The following ASB10 variants were observed in gnomAD, a reference collection of about 807,000 sequenced individuals.
ASB10 encodes the protein ankyrin repeat and SOCS box protein 10.
Under a neutral mutation model 35.4 loss-of-function variants are expected in ASB10, and 44 were observed. The ratio of observed to expected loss-of-function variants is 1.24; its 90% CI spans 0.98 to 1.60. The LOEUF (loss-of-function observed/expected upper bound fraction) is 1.60, where lower values mean the gene tolerates loss of function less well. Among genes scored for constraint, ASB10 ranks in the 40% most tolerant of loss-of-function variants. The pLI, the probability that ASB10 is intolerant of heterozygous loss-of-function variation, is 0.00. For synonymous variants in ASB10, 294 were observed against 280.4 expected, an observed-to-expected ratio of 1.05 and a Z score of -0.49; for missense variants, 647 against 634.3, an observed-to-expected ratio of 1.02 and a Z score of -0.22.
At chr7:151,177,213 C>T (rs535545086) in intron 3 of ASB10, among the ~76,000 whole-genome samples, 155 of 152,382 alleles carry the variant, frequency 1.0e-3, no homozygotes, top group South Asian at 2.7e-3. Context: ...AGCAGCTAAC[C>T]TTTCTATTGT....
At chr7:151,179,427 A>G (rs1487147659) in intron 3 of ASB10, among the ~76,000 whole-genome samples, 1 of 152,204 alleles carries the variant, frequency 6.6e-6, no homozygotes, top group African/African-American at 2.4e-5. Context: ...GCTTGCTCCG[A>G]CTGTTCCCCA....
At chr7:151,178,804 C>A (rs909908353) in intron 3 of ASB10, among the ~76,000 whole-genome samples, 1 of 152,142 alleles carries the variant, frequency 6.6e-6, no homozygotes, top group Admixed American at 6.5e-5. Flanking sequence ...CAGTCTGTCC[C>A]GGGAGGCCTC....
intron 2 of ASB10, among the ~76,000 whole-genome samples, chr7:151,184,817 T>C (rs941371670): frequency 1.1e-4 from 16 of 151,938 alleles, no homozygotes; most frequent in African/African-American, 3.9e-4. Flanking sequence ...GGTCAGGAGA[T>C]TGAGACCATC....
chr7:151,177,875 G>T (rs1801417659), intron 3 of ASB10, among the ~76,000 whole-genome samples: 1 of 152,206 alleles, frequency 6.6e-6, no homozygotes, highest in South Asian at 2.1e-4. Flanking sequence ...TAAAGTCCTC[G>T]TCATCCAAGA....
At chr7:151,187,663 G>A (rs104886464), upstream of ASB10, 916 of 1,516,792 alleles carry the variant, frequency 6.0e-4, 6 homozygotes, top group African/African-American at 0.01. The surrounding 1 kb of genome is among the most constrained non-coding windows in gnomAD (Gnocchi z 5.3). Context: ...AGGCCGGGGC[G>A]GAGGGAAGGC....
chr7:151,181,971 C>T (rs1027862648), intron 2 of ASB10, among the ~76,000 whole-genome samples: 3 of 152,176 alleles, frequency 2.0e-5, no homozygotes, highest in African/African-American at 4.8e-5. Context: ...CTAAATCATC[C>T]GTGGGAATAA....
intron 2 of ASB10, among the ~76,000 whole-genome samples, chr7:151,183,902 T>C (rs1176536297): frequency 2.0e-5 from 3 of 152,182 alleles, no homozygotes; most frequent in Admixed American, 6.5e-5. Context: ...TTATATTGAT[T>C]ACATGTCAAC....
chr7:151,180,192 A>G (rs1443970526), intron 3 of ASB10, among the ~76,000 whole-genome samples: 1 of 152,192 alleles, frequency 6.6e-6, no homozygotes, highest in Non-Finnish European at 1.5e-5. Flanking sequence ...GACATTATCT[A>G]TGCCCCTCCA....
intron 3 of ASB10, among the ~76,000 whole-genome samples, chr7:151,179,705 C>T (rs1416277655): frequency 6.6e-6 from 1 of 152,204 alleles, no homozygotes; most frequent in Admixed American, 6.5e-5. Flanking sequence ...CTTTGCTCTG[C>T]CAGCCCCTTT....
At chr7:151,176,977 G>A (rs1164718292) in intron 3 of ASB10, among the ~76,000 whole-genome samples, 1 of 152,220 alleles carries the variant, frequency 6.6e-6, no homozygotes, top group Non-Finnish European at 1.5e-5. Flanking sequence ...AGACAGTGGA[G>A]TGGAGTGACA....
At chr7:151,179,394 G>A (rs1175470160) in intron 3 of ASB10, among the ~76,000 whole-genome samples, 2 of 152,238 alleles carry the variant, frequency 1.3e-5, no homozygotes, top group African/African-American at 4.8e-5. Flanking sequence ...TTAGAGCAGT[G>A]CCTGGTGTGT....
chr7:151,181,288 A>C lies in ASB10; in HGVS notation c.755T>G (p.Leu252Arg). The C allele has an allele frequency of 1.2e-6, 2 of 1,613,194 alleles. No homozygotes were observed. Among genetic ancestry groups the C allele is most frequent in the Non-Finnish European group, 1.7e-6 (2 of 1,180,018 alleles). The change falls in exon 3 of 6, where the codon CTG becomes CGG. Residue 252 changes from leucine (L) to arginine (R), a missense_variant. Physicochemically the swap from Leu to Arg is moderately radical, Grantham distance 102 (BLOSUM62 -2). Transcript: ENST00000420175. ...GCAGCGGACGTCACAGGCAGCCAGC[A>C]GTGGGGTCCAGCCTTCGGCATTGCG... ...DARNAEGWTPLLAACDVRCQS... is the reference protein window; with the variant it reads ...DARNAEGWTPRLAACDVRCQS...
chr7:151,183,205 G>A (rs1563573082), intron 2 of ASB10, among the ~76,000 whole-genome samples: 1 of 152,156 alleles, frequency 6.6e-6, no homozygotes, highest in Non-Finnish European at 1.5e-5. Context: ...TAGCCCAGGA[G>A]TTCAAGACTA....
Position 151,186,471 on chromosome 7 carries a change from C to G in ASB10, c.505G>C (p.Val169Leu). ...GHTACVHVLLVAGADPNIADQ... is the reference protein window; with the variant it reads ...GHTACVHVLLLAGADPNIADQ... ...GCGATGTTGGGGTCGGCTCCTGCCA[C>G]CAGCAGCACATGAACACAGGCAGTG... The change falls in exon 2 of 6, where the codon GTG (valine) becomes CTG (leucine). Residue 169 changes from valine to leucine, a missense_variant. Val to Leu is a conservative substitution (Grantham distance 32). Transcript: ENST00000420175. 6.3e-7 allele frequency: 1 copy of G among 1,597,656 alleles called. No individual in the cohort carries two copies. Among genetic ancestry groups the G allele is most frequent in the Non-Finnish European group, 8.5e-7 (1 of 1,172,394 alleles).
rs1280598642 is a variant in ASB10, at chr7:151,176,584, C to A, written c.1197G>T (p.Leu399=). The A allele has an allele frequency of 6.4e-6, 10 of 1,551,118 alleles. No individual in the cohort carries two copies. In the South Asian group the frequency reaches 1.2e-4, roughly 18 times the overall value. The change falls in exon 4 of 6, where the codon CTG becomes CTT. Residue 399 remains leucine, a synonymous_variant. Transcript: ENST00000420175. ...TGACCTGCAGAGTTTCAGGAGTCAC[C>A]AGGCCGACGGCCTCCTCGGGAAGCT... The part of the protein sequence containing the change: ...VVQLPEEAVG[L]VTPETLQKHQ...
chr7:151,184,919 G>A (rs1481802550), intron 2 of ASB10, among the ~76,000 whole-genome samples: 1 of 151,824 alleles, frequency 6.6e-6, no homozygotes, highest in African/African-American at 2.4e-5. Context: ...CTACTCGCGA[G>A]GCTGAGGCAG....
chr7:151,180,238 G>A (rs1297305465), intron 3 of ASB10, among the ~76,000 whole-genome samples: 1 of 152,212 alleles, frequency 6.6e-6, no homozygotes, highest in East Asian at 1.9e-4. Context: ...CCCCTCACAG[G>A]GCATCAGTAG....
chr7:151,180,868 A>G, intron 3 of ASB10, 71 bp downstream of exon 3: 1 of 1,425,880 alleles, frequency 7.0e-7, no homozygotes, highest in Non-Finnish European at 9.2e-7. Context: ...TCCAAAGCAA[A>G]CCGGAGCACA....
At chr7:151,178,222 G>A (rs1199187281) in intron 3 of ASB10, among the ~76,000 whole-genome samples, 1 of 152,238 alleles carries the variant, frequency 6.6e-6, no homozygotes, top group Non-Finnish European at 1.5e-5. Flanking sequence ...GCACGTGTGG[G>A]CGACAGAATG....
Sources: allele counts gnomAD v4.1 joint callset (sites outside exome capture counted in the v4.1 genomes callset), GRCh38; gene constraint gnomAD v4.1.1; non-coding constraint Gnocchi (gnomAD v3.1); transcripts MANE v1.5; gene names NCBI Gene and HGNC (gene_info 2026-07-23, HGNC 2026-07-21).